Variants in NBAS observed in about 807,000 individuals in gnomAD.
The protein encoded by NBAS is NAG/BC035112 fusion.
A neutral mutation model predicts 302.5 loss-of-function variants in NBAS; 219 were observed. The observed-to-expected ratio is 0.72, with a 90% CI of 0.65 to 0.81. The LOEUF (loss-of-function observed/expected upper bound fraction) is 0.81, where lower values mean the gene tolerates loss of function less well. Ranked by LOEUF, NBAS falls within the 30% of genes least tolerant of loss-of-function variation. The probability of loss-of-function intolerance (pLI) is 0.00; values close to 1 mark genes in which losing one functional copy is unlikely to be tolerated. For synonymous variants in NBAS, 1,118 were observed against 1,021.6 expected (o/e 1.09, Z -1.80); for missense variants, 2,932 against 2,841.6 (o/e 1.03, Z -0.72).
the NBAS span, among the ~76,000 whole-genome samples, chr2:14,981,370 C>A: frequency 6.6e-6 from 1 of 152,200 alleles, no homozygotes; most frequent in African/African-American, 2.4e-5. Context: ...TCCAGTCAAC[C>A]TATTCATCAA....
At chr2:14,865,052 C>T in the NBAS span, among the ~76,000 whole-genome samples, 4 of 152,070 alleles carry the variant, frequency 2.6e-5, no homozygotes, top group East Asian at 1.9e-4. Context: ...CATGAATTTC[C>T]GCCAACAAGG....
chr2:15,467,838 A>G (rs1679791074), intron 17 of NBAS, 34 bp from the exon 18 acceptor site: 1 of 1,516,848 alleles, frequency 6.6e-7, no homozygotes, highest in Non-Finnish European at 9.1e-7. Flanking sequence ...TATTTTCATC[A>G]TTTTTAAAAA....
At chr2:15,050,623 G>A in the NBAS span, among the ~76,000 whole-genome samples, 1 of 152,182 alleles carries the variant, frequency 6.6e-6, no homozygotes, top group Non-Finnish European at 1.5e-5. Flanking sequence ...CAGCATCTTA[G>A]GGAGCATACT....
chr2:15,036,820 GT>G, the NBAS span, among the ~76,000 whole-genome samples: 1 of 152,114 alleles, frequency 6.6e-6, no homozygotes, highest in Non-Finnish European at 1.5e-5. Context: ...TCTCAGAGGG[GT>G]TATTGGCTGC....
the NBAS span, among the ~76,000 whole-genome samples, chr2:14,900,467 TG>T: frequency 1.3e-5 from 2 of 152,260 alleles, no homozygotes; most frequent in African/African-American, 4.8e-5. Flanking sequence ...TGTCCTACTT[TG>T]TGAAATTTCA....
chr2:15,388,390 T>TA (rs57526833), intron 28 of NBAS, among the ~76,000 whole-genome samples: 15,762 of 145,744 alleles, frequency 0.11, 2,439 homozygotes, highest in African/African-American at 0.34. Context: ...AAATGCATAT[T>TA]AAAAAAAAAA....
chr2:15,091,596 T>G, the NBAS span, among the ~76,000 whole-genome samples: 15 of 151,716 alleles, frequency 9.9e-5, no homozygotes, highest in African/African-American at 3.4e-4. Flanking sequence ...GCAGTGGCAC[T>G]ATCTAGGATC....
the NBAS span, among the ~76,000 whole-genome samples, chr2:14,996,367 G>C: frequency 5.3e-5 from 8 of 152,240 alleles, no homozygotes; most frequent in African/African-American, 1.9e-4. Flanking sequence ...AAGCCTAGGG[G>C]TGTGACAGAA....
the NBAS span, among the ~76,000 whole-genome samples, chr2:14,788,688 G>A: frequency 6.6e-6 from 1 of 152,264 alleles, no homozygotes; most frequent in South Asian, 2.1e-4. Context: ...TGGAAGTTTT[G>A]TCTCAGAGGA....
chr2:15,364,643 G>C (rs1185485429), intron 32 of NBAS, among the ~76,000 whole-genome samples: 2 of 152,120 alleles, frequency 1.3e-5, no homozygotes, highest in Non-Finnish European at 2.9e-5. Flanking sequence ...CCATCAAATG[G>C]AAAAAGTACA....
intron 33 of NBAS, among the ~76,000 whole-genome samples, chr2:15,355,834 T>TC (rs1673587942): frequency 6.6e-6 from 1 of 152,168 alleles, no homozygotes; most frequent in South Asian, 2.1e-4. Flanking sequence ...CTTGCAGAAC[T>TC]GTGAGCCGAT....
chr2:15,177,244 A>C (rs1664587656), intron 51 of NBAS, among the ~76,000 whole-genome samples: 1 of 152,230 alleles, frequency 6.6e-6, no homozygotes, highest in Non-Finnish European at 1.5e-5. Flanking sequence ...CATGCAGCAC[A>C]TCTAACGTGC....
chr2:14,959,846 T>G, the NBAS span, among the ~76,000 whole-genome samples: 1 of 152,224 alleles, frequency 6.6e-6, no homozygotes, highest in African/African-American at 2.4e-5. Context: ...CAGTTAATAT[T>G]TCTGTTACCT....
At chr2:15,145,057 C>T in the NBAS span, among the ~76,000 whole-genome samples, 7 of 152,162 alleles carry the variant, frequency 4.6e-5, no homozygotes, top group East Asian at 5.8e-4. Flanking sequence ...CTAATGAAGA[C>T]GGCCACACCC....
chr2:14,862,064 C>G, the NBAS span, among the ~76,000 whole-genome samples: 1 of 152,092 alleles, frequency 6.6e-6, no homozygotes, highest in Non-Finnish European at 1.5e-5. Flanking sequence ...AGAAGGGAAT[C>G]AGTGTGAATG....
intron 23 of NBAS, among the ~76,000 whole-genome samples, chr2:15,422,333 C>T (rs867838739): frequency 6.6e-6 from 1 of 152,066 alleles, no homozygotes; most frequent in Admixed American, 6.5e-5. Context: ...AGTAAATATT[C>T]TATTTTGGGG....
chr2:15,429,551 G>A (rs1270610541), intron 21 of NBAS, among the ~76,000 whole-genome samples: 1 of 152,180 alleles, frequency 6.6e-6, no homozygotes, highest in Non-Finnish European at 1.5e-5. Context: ...TAAAGCAGAA[G>A]AGGGAAGCTA....
intron 1 of NBAS, among the ~76,000 whole-genome samples, chr2:15,559,558 C>T (rs1171454955): frequency 6.6e-6 from 1 of 152,130 alleles, no homozygotes; most frequent in Non-Finnish European, 1.5e-5. Context: ...AAAGTTATTT[C>T]ACTCAATAAA....
intron 25 of NBAS, among the ~76,000 whole-genome samples, chr2:15,413,564 GTC>G (rs1676783818): frequency 6.6e-6 from 1 of 152,162 alleles, no homozygotes; most frequent in African/African-American, 2.4e-5. Context: ...AAAGGAAACA[GTC>G]TGTAACACAC....
Sources: gnomAD v4.1 joint callset for allele counts (sites outside exome capture counted in the v4.1 genomes callset) on GRCh38, gnomAD v4.1.1 for gene constraint, MANE v1.5 for transcripts, NCBI Gene and HGNC (gene_info 2026-07-23, HGNC 2026-07-21) for gene names.